Variants in LRRFIP1 observed in about 807,000 individuals in gnomAD.
LRRFIP1 encodes LRR binding FLII interacting protein 1, also known as leucine-rich repeat flightless-interacting protein 1.
A neutral mutation model predicts 104.4 loss-of-function variants in LRRFIP1; 62 were observed. The observed-to-expected ratio is 0.59, with a 90% CI of 0.48 to 0.73. The LOEUF is 0.73. LRRFIP1 is among the 30% of genes least tolerant of loss of function. The pLI is 0.00. For synonymous variants in LRRFIP1, 300 were observed against 299.0 expected (o/e 1.00, Z -0.03); for missense variants, 796 against 824.5 (o/e 0.97, Z 0.42).
At chr2:237,713,522 G>C (rs2094198743) in intron 2 of LRRFIP1, among the ~76,000 whole-genome samples, 1 of 152,018 alleles carries the variant, frequency 6.6e-6, no homozygotes, top group South Asian at 2.1e-4. Context: ...TCATATTGTT[G>C]GATGTAGTCA....
At position 237,735,625 on chromosome 2, in the gene LRRFIP1, C is replaced by T. The variant is rs552181197; in HGVS notation, c.555+292C>T. The T allele has an allele frequency of 2.9e-6, 1 of 339,946 alleles. No individual in the cohort carries two copies. The highest frequency in any genetic ancestry group is 5.2e-5 in the East Asian group (1 of 19,242). The allele number at this position is 339,946 out of a possible 1,614,324, so 21.1% of individuals were successfully genotyped here. A position where few individuals can be genotyped will look rare whatever the true frequency, so the allele number is the denominator to read the frequency against. ...TACTAACAGGTGGTGAAACCGTCTTCGGTTAATAAAAACGGGAAAAGGACA... is the reference window on the plus strand; with the variant it reads ...TACTAACAGGTGGTGAAACCGTCTTTGGTTAATAAAAACGGGAAAAGGACA... On this transcript the variant is annotated intron_variant, in intron 10 of 23. Coordinates refer to ENST00000308482, the MANE Select transcript of LRRFIP1 (RefSeq NM_001137550.2). This position sits in a 1 kb window ranked among gnomAD's most constrained non-coding sequence, Gnocchi z 4.6.
At chr2:237,681,447 A>C (rs1460469333) in intron 1 of LRRFIP1, among the ~76,000 whole-genome samples, 1 of 151,204 alleles carries the variant, frequency 6.6e-6, no homozygotes, top group Non-Finnish European at 1.5e-5. Flanking sequence ...GCTCACTGCA[A>C]CCTCCGCCTC....
intron 1 of LRRFIP1, among the ~76,000 whole-genome samples, chr2:237,639,104 G>A (rs574660162): frequency 6.6e-6 from 1 of 152,336 alleles, no homozygotes; most frequent in South Asian, 2.1e-4. Flanking sequence ...CTGGTAGGTG[G>A]CAATTAAATG....
chr2:237,755,478 G>A (rs770251130), intron 15 of LRRFIP1, among the ~76,000 whole-genome samples: 1 of 152,224 alleles, frequency 6.6e-6, no homozygotes, highest in Non-Finnish European at 1.5e-5. Flanking sequence ...CAGTGCTGTG[G>A]AAGACACCAG....
At chr2:237,657,082 G>A (rs1325416104) in intron 1 of LRRFIP1, among the ~76,000 whole-genome samples, 1 of 152,180 alleles carries the variant, frequency 6.6e-6, no homozygotes, top group East Asian at 1.9e-4. Context: ...GCTGGCGGTG[G>A]TAGGGGGCAT....
rs763697876 is a variant in LRRFIP1 at position 237,733,773 on chromosome 2, G to A, written c.445-1G>A. On this transcript the variant is annotated splice_acceptor_variant, in intron 8 of 23. Coordinates refer to ENST00000308482, the MANE Select transcript of LRRFIP1 (RefSeq NM_001137550.2). LOFTEE classifies it high-confidence loss of function. Reference sequence around the variant, plus strand: ...ACCTGCCATTTGCTTTCATCCTCCAGCCCTCCTGTCTGTACAGCGCTGCCC... The same window carrying A: ...ACCTGCCATTTGCTTTCATCCTCCAACCCTCCTGTCTGTACAGCGCTGCCC... 1.2e-6 allele frequency: 2 copies of A among 1,613,994 alleles called. No individual in the cohort carries two copies. The highest frequency in any genetic ancestry group is 1.7e-6 in the Non-Finnish European group (2 of 1,179,876).
intron 2 of LRRFIP1, 108 bp from the exon 3 acceptor site, chr2:237,714,151 G>T (rs760042377): frequency 4.4e-6 from 3 of 679,084 alleles, no homozygotes; most frequent in Non-Finnish European, 7.6e-6. Flanking sequence ...TACTGTATTC[G>T]TTGTGACTTG....
At chr2:237,753,846 ATGTATGTATGTGTGGATATATCGTG>A (rs1559794478) in intron 15 of LRRFIP1, among the ~76,000 whole-genome samples, 2 of 81,640 alleles carry the variant, frequency 2.4e-5, no homozygotes, top group Non-Finnish European at 5.0e-5. Flanking sequence ...GTGTGTATGT[ATGTATGTATGTGTGGATATATCGTG>A]TGTATGTATG....
chr2:237,766,936 G>A lies in LRRFIP1; in HGVS notation c.1460-3007G>A, dbSNP rs1296388775. Among the ~76,000 whole-genome samples, 5 of 152,214 alleles carry A rather than the reference G, an allele frequency of 3.3e-5. No homozygotes were observed. Among genetic ancestry groups the A allele is most frequent in the African/African-American group, 4.8e-5 (2 of 41,450 alleles). On this transcript the variant is annotated intron_variant, in intron 19 of 23. Coordinates refer to ENST00000308482, the MANE Select transcript of LRRFIP1 (RefSeq NM_001137550.2). This position sits in a 1 kb window ranked among gnomAD's most constrained non-coding sequence, Gnocchi z 4.8. ...CTATAATCCCAGCACGTGGGAGGCC[G>A]AGGCAGGCAGATCACTTAAGCCCAG... is the stretch of plus-strand genomic sequence containing the variant.
chr2:237,702,921 G>C (rs1446195686), intron 1 of LRRFIP1, among the ~76,000 whole-genome samples: 1 of 152,208 alleles, frequency 6.6e-6, no homozygotes, highest in Non-Finnish European at 1.5e-5. Flanking sequence ...TTGAAGACAA[G>C]TCAGAGGGAG....
intron 11 of LRRFIP1, among the ~76,000 whole-genome samples, chr2:237,739,695 C>T (rs979734280): frequency 6.6e-5 from 10 of 152,166 alleles, no homozygotes; most frequent in South Asian, 4.1e-4. Context: ...CCCAATCATT[C>T]GTTACCCTCC....
chr2:237,723,318 T>C (rs2094600978), intron 6 of LRRFIP1, among the ~76,000 whole-genome samples: 1 of 152,282 alleles, frequency 6.6e-6, no homozygotes, highest in Non-Finnish European at 1.5e-5. Flanking sequence ...TTGTGAATTA[T>C]AGCAGCCTTT....
At chr2:237,679,787 T>C (rs1007631996) in intron 1 of LRRFIP1, among the ~76,000 whole-genome samples, 2 of 152,150 alleles carry the variant, frequency 1.3e-5, no homozygotes, top group Non-Finnish European at 2.9e-5. Flanking sequence ...TTTGTATTTT[T>C]AGTAGAGACA....
chr2:237,741,838 A>G (rs2057124461), intron 11 of LRRFIP1, among the ~76,000 whole-genome samples: 1 of 152,082 alleles, frequency 6.6e-6, no homozygotes, highest in African/African-American at 2.4e-5. Flanking sequence ...AAAAAAAAAG[A>G]AAAAAGAAAA....
intron 1 of LRRFIP1, among the ~76,000 whole-genome samples, chr2:237,668,045 C>A (rs1367179456): frequency 6.6e-6 from 1 of 152,116 alleles, no homozygotes; most frequent in Admixed American, 6.5e-5. Context: ...TTGACACCCC[C>A]CTTTCCCCAA....
intron 1 of LRRFIP1, among the ~76,000 whole-genome samples, chr2:237,668,462 C>T (rs2089844474): frequency 6.6e-6 from 1 of 152,186 alleles, no homozygotes; most frequent in Non-Finnish European, 1.5e-5. Flanking sequence ...CCTTACCATC[C>T]TTAATGACTC....
chr2:237,765,385 A>G (rs1308391308), intron 19 of LRRFIP1: 68 of 699,890 alleles, frequency 9.7e-5, no homozygotes, highest in Non-Finnish European at 1.2e-4. Flanking sequence ...GCAGTGAGCT[A>G]TGATTGCACA....
intron 1 of LRRFIP1, among the ~76,000 whole-genome samples, chr2:237,675,873 G>A (rs1559520750): frequency 6.6e-6 from 1 of 152,122 alleles, no homozygotes; most frequent in East Asian, 1.9e-4. Context: ...CTTCATACTT[G>A]TCTTAAACAC....
intron 19 of LRRFIP1, among the ~76,000 whole-genome samples, chr2:237,761,155 A>G (rs889764393): frequency 6.6e-6 from 1 of 152,210 alleles, no homozygotes; most frequent in African/African-American, 2.4e-5. Flanking sequence ...CCATCTTCTC[A>G]GGCCTCGCAT....
Sources: allele counts gnomAD v4.1 joint callset (sites outside exome capture counted in the v4.1 genomes callset), GRCh38; gene constraint gnomAD v4.1.1; non-coding constraint Gnocchi (gnomAD v3.1); transcripts MANE v1.5; gene names NCBI Gene and HGNC (gene_info 2026-07-23, HGNC 2026-07-21).